Variants in ATP9B observed in about 807,000 individuals in gnomAD.
ATP9B encodes probable phospholipid-transporting ATPase IIB.
A neutral mutation model predicts 146.1 loss-of-function variants in ATP9B; 110 were observed. That is an observed-to-expected ratio of 0.75 (90% confidence interval 0.65 to 0.88). The LOEUF (loss-of-function observed/expected upper bound fraction) is 0.88. Among genes scored for constraint, ATP9B ranks in the 40% least tolerant of loss-of-function variants. ATP9B has a pLI of 0.00. For synonymous variants in ATP9B, 604 were observed against 569.7 expected (o/e 1.06, Z -0.86); for missense variants, 1,499 against 1,496.4 (o/e 1.00, Z -0.03).
chr18:79,262,804 C>A (rs1344044555), intron 12 of ATP9B, among the ~76,000 whole-genome samples: 4 of 152,204 alleles, frequency 2.6e-5, no homozygotes, highest in Non-Finnish European at 5.9e-5. Context: ...AGTTAAGGTG[C>A]CATACACGCT....
At chr18:79,335,552 G>A (rs899291365) in intron 17 of ATP9B, among the ~76,000 whole-genome samples, 31 of 152,126 alleles carry the variant, frequency 2.0e-4, no homozygotes, top group Non-Finnish European at 3.5e-4. Flanking sequence ...GCTTTAACAC[G>A]CACATCAGGC....
chr18:79,090,526 G>A (rs1440707289), intron 1 of ATP9B, among the ~76,000 whole-genome samples: 3 of 152,142 alleles, frequency 2.0e-5, no homozygotes, highest in Admixed American at 6.5e-5. Flanking sequence ...GATGATCAGC[G>A]ATGTCGAACA....
At position 79,282,351 on chromosome 18, in the gene ATP9B, C is replaced by T. The variant is rs79294747; in HGVS notation, c.1411+5155C>T. Among the ~76,000 whole-genome samples, 34 of 152,146 alleles carry T rather than the reference C, an allele frequency of 2.2e-4. No homozygotes were observed. In the East Asian group the frequency reaches 5.2e-3, roughly 23 times the overall value. ...TGCTGTCCAACAACATGGCATGCTA[C>T]GGAGAAATATTTTGTGAAAGGAAGA... On this transcript the variant is annotated intron_variant, in intron 13 of 29. Transcript: ENST00000426216.
chr18:79,199,002 A>G lies in ATP9B; in HGVS notation c.954+5739A>G, dbSNP rs575972539. Reference sequence around the variant, plus strand: ...AGTCTCACTCTGTTGCCCAGGATGGAGTGCAGTGGCGCAATCTCAGCTCAC... The same window carrying G: ...AGTCTCACTCTGTTGCCCAGGATGGGGTGCAGTGGCGCAATCTCAGCTCAC... On this transcript the variant is annotated intron_variant, in intron 9 of 29. Transcript: ENST00000426216. 3.9e-5 allele frequency among the ~76,000 whole-genome samples: 6 copies of G among 152,190 alleles called. No individual in the cohort carries two copies. In the East Asian group the frequency reaches 1.2e-3, roughly 29 times the overall value.
At chr18:79,078,002 T>C (rs1454921350) in intron 1 of ATP9B, 1 of 152,206 alleles carries the variant, frequency 6.6e-6, no homozygotes, top group African/African-American at 2.4e-5. Flanking sequence ...CCGGCACCCT[T>C]GTGCATGTAC....
chr18:79,195,388 T>C (rs1166946395), intron 9 of ATP9B, among the ~76,000 whole-genome samples: 1 of 152,118 alleles, frequency 6.6e-6, no homozygotes, highest in Non-Finnish European at 1.5e-5. Flanking sequence ...GTCGGGATCA[T>C]AGACATGAGA....
Position 79,287,186 on chromosome 18 carries a change from A to G in ATP9B, c.1411+9990A>G, listed in dbSNP as rs377409710. On this transcript the variant is annotated intron_variant, in intron 13 of 29. Transcript: ENST00000426216. ...TTCTATTGATTGGAATAGTTTCAGA[A>G]GGAATGATACCAGTTCCTCCTTGTA... Among the ~76,000 whole-genome samples the G allele has an allele frequency of 2.1e-4, 32 of 152,342 alleles. No homozygotes were observed. In the East Asian group the frequency reaches 4.6e-3, roughly 22 times the overall value.
intron 13 of ATP9B, among the ~76,000 whole-genome samples, chr18:79,283,685 C>T (rs966017724): frequency 2.6e-5 from 4 of 152,140 alleles, no homozygotes; most frequent in African/African-American, 7.2e-5. Context: ...GCAATTCATT[C>T]GACAAGCGTA....
Position 79,355,649 on chromosome 18 carries a change from G to A in ATP9B, c.2904-3705G>A, listed in dbSNP as rs554990290. The stretch of plus-strand genomic sequence containing the variant: ...CGTTTGTGCCGTGGGAGCCCCGGCC[G>A]CTGTACCGTTTGTGCCGTGGGAGTT... On this transcript the variant is annotated intron_variant, in intron 25 of 29. Coordinates refer to ENST00000426216, the MANE Select transcript of ATP9B (RefSeq NM_198531.5). Among the ~76,000 whole-genome samples, 85 of 149,556 alleles carry A rather than the reference G, an allele frequency of 5.7e-4. 3 individuals carry two copies. The highest frequency in any genetic ancestry group is 5.3e-4 in the Admixed American group (8 of 14,968).
Position 79,376,214 on chromosome 18 carries a change from C to CACACACACACAAAAAAAA in ATP9B, c.3307+789_3307+790insCACACACACAAAAAAAAA. On this transcript the variant is annotated intron_variant, in intron 29 of 29. Transcript: ENST00000426216. The stretch of plus-strand genomic sequence containing the variant: ...ACACACACACACACACACACACACA[C>CACACACACACAAAAAAAA]AAAACAAAACAAAAAAATGGCTAGC... 407 of 883,778 alleles carry CACACACACACAAAAAAAA rather than the reference C, an allele frequency of 4.6e-4. 2 individuals carry two copies. The highest frequency in any genetic ancestry group is 3.3e-3 in the African/African-American group (156 of 46,802). 54.7% of individuals were successfully genotyped at this position (883,778 alleles called of 1,614,324 possible). A position where few individuals can be genotyped will look rare whatever the true frequency, so the allele number is the denominator to read the frequency against.
Position 79,177,380 on chromosome 18 carries a change from T to C in ATP9B, c.873+473T>C, listed in dbSNP as rs181144941. On this transcript the variant is annotated intron_variant, in intron 8 of 29. Transcript: ENST00000426216. ...TCTCCTGAGTAGATGGGAGTACAGG[T>C]GCACACCACCACGCCCAGCCAGTTC... is the stretch of plus-strand genomic sequence containing the variant. 2.6e-3 allele frequency among the ~76,000 whole-genome samples: 400 copies of C among 152,084 alleles called. 1 individual carries two copies. The highest frequency in any genetic ancestry group is 9.4e-3 in the African/African-American group (391 of 41,484).
intron 15 of ATP9B, among the ~76,000 whole-genome samples, chr18:79,327,530 G>GTGGTTAACGTGCTCTCTCCA (rs2096757119): frequency 9.2e-6 from 1 of 109,236 alleles, no homozygotes; most frequent in African/African-American, 3.6e-5. Context: ...CGTGCTCTCC[G>GTGGTTAACGTGCTCTCTCCA]TGGTTAGCGT....
chr18:79,157,207 TACACACACACACACACACAC>T (rs147810207), intron 7 of ATP9B, among the ~76,000 whole-genome samples: 1 of 135,326 alleles, frequency 7.4e-6, no homozygotes, highest in African/African-American at 2.8e-5. Context: ...CTAAAAAAAA[TACACACACACACACACACAC>T]ACACACACAC....
chr18:79,153,894 C>G (rs976519124), intron 6 of ATP9B, among the ~76,000 whole-genome samples: 2 of 151,886 alleles, frequency 1.3e-5, no homozygotes, highest in African/African-American at 4.8e-5. Flanking sequence ...GTGATCCTCC[C>G]GTGTTGGCCT....
At chr18:79,120,683 G>T (rs2094173290) in intron 4 of ATP9B, among the ~76,000 whole-genome samples, 1 of 152,170 alleles carries the variant, frequency 6.6e-6, no homozygotes. Context: ...GAACGAGATG[G>T]AATAGATCTG....
chr18:79,153,723 T>C (rs2094727087), intron 6 of ATP9B, among the ~76,000 whole-genome samples: 1 of 151,254 alleles, frequency 6.6e-6, no homozygotes, highest in South Asian at 2.1e-4. Flanking sequence ...TGAACATGGC[T>C]CACTGCTGCC....
intron 1 of ATP9B, among the ~76,000 whole-genome samples, chr18:79,075,753 T>C (rs1205285258): frequency 6.6e-6 from 1 of 152,222 alleles, no homozygotes; most frequent in African/African-American, 2.4e-5. Context: ...ACCGCCATTG[T>C]CTGTCTTTGG....
At chr18:79,334,405 T>C (rs1333974278) in intron 17 of ATP9B, among the ~76,000 whole-genome samples, 2 of 151,930 alleles carry the variant, frequency 1.3e-5, no homozygotes, top group Non-Finnish European at 2.9e-5. Context: ...AATTGATAGT[T>C]ATACAGCTTA....
chr18:79,107,553 G>A (rs1476222763), intron 2 of ATP9B, among the ~76,000 whole-genome samples: 2 of 152,136 alleles, frequency 1.3e-5, no homozygotes, highest in Non-Finnish European at 2.9e-5. Flanking sequence ...CCTTCGTAGT[G>A]TGTAGACTCC....
Sources: allele counts gnomAD v4.1 joint callset (sites outside exome capture counted in the v4.1 genomes callset), GRCh38; gene constraint gnomAD v4.1.1; transcripts MANE v1.5; gene names NCBI Gene and HGNC (gene_info 2026-07-23, HGNC 2026-07-21).